The following RBFOX1 variants were observed in gnomAD, a reference collection of about 807,000 sequenced individuals.
The protein encoded by RBFOX1 is RNA binding fox-1 homolog 1.
RBFOX1 carries 8 observed loss-of-function variants against 57.7 expected under a neutral mutation model. The ratio of observed to expected loss-of-function variants is 0.14; its 90% CI spans 0.08 to 0.25. The LOEUF is 0.25. Ranked by LOEUF, RBFOX1 falls within the 10% of genes least tolerant of loss-of-function variation. The pLI is 1.00. For synonymous variants in RBFOX1, 326 were observed against 222.4 expected (o/e 1.47, Z -4.15); for missense variants, 611 against 548.5 (o/e 1.11, Z -1.14).
chr16:6,995,554 C>A (rs960717511), intron 3 of RBFOX1, among the ~76,000 whole-genome samples: 1 of 151,980 alleles, frequency 6.6e-6, no homozygotes, highest in Non-Finnish European at 1.5e-5. Flanking sequence ...CACCTTAGGT[C>A]AGGATCACCA....
rs140483662 is a variant in RBFOX1, at chr16:5,851,858, G to C, written c.319-15445G>C. Among the ~76,000 whole-genome samples the C allele has an allele frequency of 6.1e-3, 935 of 152,304 alleles. 13 individuals carry two copies. The highest frequency in any genetic ancestry group is 0.034 in the Middle Eastern group (10 of 294). On this transcript the variant is annotated intron_variant, in intron 3 of 19. Transcript: ENST00000641259. ...TGAGTCAGTGGGTGAGTAAAGGAAG[G>C]ACGATGTCTTGGCCAGGTGTAGAGA... is the stretch of plus-strand genomic sequence containing the variant.
At chr16:5,551,735 C>A (rs1365055240) in intron 2 of RBFOX1, among the ~76,000 whole-genome samples, 1 of 152,094 alleles carries the variant, frequency 6.6e-6, no homozygotes, top group Non-Finnish European at 1.5e-5. Flanking sequence ...AGCCTATCAT[C>A]TGGATTTTAA....
At chr16:5,842,917 C>T (rs1169614647) in intron 3 of RBFOX1, among the ~76,000 whole-genome samples, 1 of 152,112 alleles carries the variant, frequency 6.6e-6, no homozygotes, top group African/African-American at 2.4e-5. Context: ...CTCTTGGATT[C>T]AAGTGATTGT....
chr16:6,925,268 G>A (rs1362154690), intron 3 of RBFOX1, among the ~76,000 whole-genome samples: 1 of 150,528 alleles, frequency 6.6e-6, no homozygotes, highest in African/African-American at 2.5e-5. Flanking sequence ...CAAGTAGCTG[G>A]GATTACAGGT....
At chr16:5,658,719 T>C (rs1331847104) in intron 3 of RBFOX1, among the ~76,000 whole-genome samples, 1 of 133,358 alleles carries the variant, frequency 7.5e-6, no homozygotes. Context: ...TATTCCATCA[T>C]ACATACATAC....
chr16:6,936,714 C>G lies in RBFOX1; in HGVS notation c.-15-115343C>G, dbSNP rs941714148. ...GGATAGCATTAGATTAATATTAAAA[C>G]AAAAACTCATACAGCTAGAGGTAGG... On this transcript the variant is annotated intron_variant, in intron 3 of 15. Transcript: ENST00000550418. 2.0e-5 allele frequency among the ~76,000 whole-genome samples: 3 copies of G among 152,108 alleles called. No individual in the cohort carries two copies. In the South Asian group the frequency reaches 6.2e-4, roughly 32 times the overall value.
At chr16:6,860,655 A>G (rs963946498) in intron 3 of RBFOX1, among the ~76,000 whole-genome samples, 7 of 152,210 alleles carry the variant, frequency 4.6e-5, no homozygotes, top group Non-Finnish European at 7.3e-5. Context: ...TTGTCCACCA[A>G]TAGGGAAATA....
At chr16:6,017,422 C>T (rs2095001603), upstream of RBFOX1, among the ~76,000 whole-genome samples, 1 of 152,068 alleles carries the variant, frequency 6.6e-6, no homozygotes, top group African/African-American at 2.4e-5. Flanking sequence ...GGCGGTTTTC[C>T]CATTGTGAAC....
chr16:6,277,458 C>CAAAAAAAAAAAAAAAAAAAAAAAA (rs59733415), intron 1 of RBFOX1, among the ~76,000 whole-genome samples: 1 of 80,826 alleles, frequency 1.2e-5, no homozygotes, highest in African/African-American at 4.8e-5. Flanking sequence ...GTCTGTCTCC[C>CAAAAAAAAAAAAAAAAAAAAAAAA]AAAAAAAAAA....
chr16:7,058,689 G>A (rs941361026), intron 4 of RBFOX1, among the ~76,000 whole-genome samples: 1 of 151,518 alleles, frequency 6.6e-6, no homozygotes, highest in African/African-American at 2.4e-5. Flanking sequence ...GAATAAAAAA[G>A]GTTCTTAATT....
intron 4 of RBFOX1, among the ~76,000 whole-genome samples, chr16:6,005,918 A>G (rs1029737292): frequency 3.3e-5 from 5 of 152,178 alleles, no homozygotes; most frequent in Admixed American, 1.3e-4. Flanking sequence ...AGAAGAGACT[A>G]TTTAGAGACG....
At chr16:6,974,259 G>A (rs989286006) in intron 3 of RBFOX1, among the ~76,000 whole-genome samples, 1 of 151,390 alleles carries the variant, frequency 6.6e-6, no homozygotes, top group African/African-American at 2.4e-5. Context: ...AGAGGCATGT[G>A]GTACAGTTTG....
intron 3 of RBFOX1, among the ~76,000 whole-genome samples, chr16:6,891,674 A>C (rs958732283): frequency 6.6e-6 from 1 of 152,184 alleles, no homozygotes; most frequent in African/African-American, 2.4e-5. Flanking sequence ...TTGTTAATGT[A>C]ATGTTTTCCT....
intron 4 of RBFOX1, among the ~76,000 whole-genome samples, chr16:5,973,207 G>C (rs759042463): frequency 6.6e-6 from 1 of 152,144 alleles, no homozygotes; most frequent in South Asian, 2.1e-4. Context: ...AAAAATATTA[G>C]GGATGTTCGT....
At chr16:7,426,788 T>C (rs542685712) in intron 4 of RBFOX1, among the ~76,000 whole-genome samples, 2 of 152,160 alleles carry the variant, frequency 1.3e-5, no homozygotes, top group Non-Finnish European at 2.9e-5. Flanking sequence ...AGACTACACC[T>C]ACAGGGGTGT....
intron 4 of RBFOX1, among the ~76,000 whole-genome samples, chr16:7,374,950 C>G (rs1413435907): frequency 1.3e-5 from 2 of 152,128 alleles, no homozygotes; most frequent in Non-Finnish European, 2.9e-5. Context: ...TAAACGGAGC[C>G]TGGAGTAATT....
At chr16:7,262,944 G>C (rs1567943939) in intron 4 of RBFOX1, among the ~76,000 whole-genome samples, 1 of 152,184 alleles carries the variant, frequency 6.6e-6, no homozygotes. Flanking sequence ...CTGGACAAGA[G>C]AGTAAAATTT....
intron 2 of RBFOX1, among the ~76,000 whole-genome samples, chr16:6,518,910 A>T (rs73530452): frequency 0.029 from 4,474 of 151,994 alleles, 138 homozygotes; most frequent in African/African-American, 0.076. Context: ...AAGCAGGGAT[A>T]GCATTTGGTC....
intron 2 of RBFOX1, among the ~76,000 whole-genome samples, chr16:5,472,854 G>A (rs977324366): frequency 2.1e-4 from 32 of 152,228 alleles, no homozygotes; most frequent in East Asian, 9.6e-4. Context: ...TAACTTTGGC[G>A]TAGAAGGGTG....
Sources: allele counts gnomAD v4.1 joint callset (sites outside exome capture counted in the v4.1 genomes callset), GRCh38; gene constraint gnomAD v4.1.1; transcripts MANE v1.5; gene names NCBI Gene and HGNC (gene_info 2026-07-23, HGNC 2026-07-21).